USP35: variants seen among roughly 807,000 people sequenced by gnomAD.
USP35 encodes the protein ubiquitin carboxyl-terminal hydrolase 35.
Under a neutral mutation model 83.8 loss-of-function variants are expected in USP35, and 69 were observed. The ratio of observed to expected loss-of-function variants is 0.82; its 90% CI spans 0.68 to 1.01. The LOEUF (loss-of-function observed/expected upper bound fraction) is 1.01. USP35 is among the 50% of genes least tolerant of loss of function. The probability of loss-of-function intolerance (pLI) is 0.00; values close to 1 mark genes in which losing one functional copy is unlikely to be tolerated. For missense variants in USP35, 1,503 were observed against 1,362.5 expected, an observed-to-expected ratio of 1.10 and a Z score of -1.62; for synonymous variants, 714 against 589.5, an observed-to-expected ratio of 1.21 and a Z score of -3.06.
the USP35 span, chr11:78,223,428 G>T: frequency 2.6e-6 from 4 of 1,564,648 alleles, no homozygotes; most frequent in Non-Finnish European, 2.6e-6. Flanking sequence ...GATCAGGTTT[G>T]AGGTTGCGGT....
chr11:78,221,732 G>A, the USP35 span: 7 of 1,613,726 alleles, frequency 4.3e-6, no homozygotes, highest in Non-Finnish European at 5.9e-6. Flanking sequence ...GATGCTCTGG[G>A]TGGAGATGGG....
the USP35 span, among the ~76,000 whole-genome samples, chr11:78,234,769 T>A: frequency 0.16 from 24,134 of 151,822 alleles, 2,368 homozygotes; most frequent in East Asian, 0.39. Flanking sequence ...AATCAAGTAA[T>A]ATAAATCCTG....
chr11:78,198,107 C>G lies in USP35; in HGVS notation c.806+39C>G, dbSNP rs199859175. 1.9e-6 allele frequency: 3 copies of G among 1,611,836 alleles called. No individual in the cohort carries two copies. In the South Asian group the frequency reaches 3.3e-5, roughly 18 times the overall value. ...GCTGAGCCATGATCAGGGCTGGGGCCCCTCCCTCTCTTCCTCTCAGAAGCC... is the reference window on the plus strand; with the variant it reads ...GCTGAGCCATGATCAGGGCTGGGGCGCCTCCCTCTCTTCCTCTCAGAAGCC... On this transcript the variant is annotated intron_variant, in intron 3 of 10. Coordinates refer to ENST00000529308, the MANE Select transcript of USP35 (RefSeq NM_020798.4).
chr11:78,221,687 T>C, the USP35 span: 1 of 1,609,918 alleles, frequency 6.2e-7, no homozygotes, highest in Non-Finnish European at 8.5e-7. Context: ...CATAGGGACA[T>C]AGTTCTCTTC....
In USP35 at chr11:78,200,657, C is replaced by G; in HGVS notation, c.1046C>G (p.Pro349Arg). The change falls in exon 6 of 11, where the codon CCT (proline) becomes CGT (arginine). Residue 349 changes from proline to arginine, a missense_variant. Pro to Arg is a moderately radical substitution (Grantham distance 103). Coordinates refer to ENST00000529308, the MANE Select transcript of USP35 (RefSeq NM_020798.4). ...GCAGCTCTGCTCCCACAGCTCCTCC[C>G]TCACATCCCCCCCATGGTGGCCTCT... ...HSHEAFHLLL[P>R]HIPPMVASLV... The G allele has an allele frequency of 6.2e-7, 1 of 1,609,898 alleles. No homozygotes were observed. Among genetic ancestry groups the G allele is most frequent in the South Asian group, 1.1e-5 (1 of 90,702 alleles).
downstream of USP35, chr11:78,219,398 G>T (rs144443221): frequency 8.7e-6 from 14 of 1,613,822 alleles, no homozygotes; most frequent in African/African-American, 1.7e-4. Flanking sequence ...CATCAGAGGT[G>T]ACGGATGAAG....
At chr11:78,212,804 TGA>T (rs1863840602) in intron 10 of USP35, among the ~76,000 whole-genome samples, 1 of 152,158 alleles carries the variant, frequency 6.6e-6, no homozygotes, top group Admixed American at 6.5e-5. Flanking sequence ...GATGAGATAA[TGA>T]CATGATTCTG....
At chr11:78,224,201 G>A in the USP35 span, among the ~76,000 whole-genome samples, 1 of 152,204 alleles carries the variant, frequency 6.6e-6, no homozygotes, top group South Asian at 2.1e-4. Flanking sequence ...TAAATCTAGA[G>A]TATAAAATAT....
chr11:78,232,620 A>G, the USP35 span, among the ~76,000 whole-genome samples: 2 of 152,260 alleles, frequency 1.3e-5, no homozygotes, highest in Non-Finnish European at 2.9e-5. Context: ...AATACATATT[A>G]TCTAGTACTT....
chr11:78,213,978 G>A lies in USP35; in HGVS notation c.*165G>A, dbSNP rs576484974. ...GAGATTCTCTCAGATATGGAAGTAA[G>A]ACCTAAGTCCCTTTCATTGGGGATC... On this transcript the variant is annotated 3_prime_UTR_variant, in exon 11 of 11. Coordinates refer to ENST00000529308, the MANE Select transcript of USP35 (RefSeq NM_020798.4). The A allele has an allele frequency of 5.5e-6, 4 of 731,462 alleles. No individual in the cohort carries two copies. In the Admixed American group the frequency reaches 1.3e-4, roughly 23 times the overall value. The allele number at this position is 731,462 out of a possible 1,614,324, so 45.3% of individuals were successfully genotyped here.
intron 9 of USP35, 50 bp from the exon 10 acceptor site, chr11:78,209,398 C>A (rs746313057): frequency 6.7e-7 from 1 of 1,502,230 alleles, no homozygotes; most frequent in Non-Finnish European, 8.9e-7. Flanking sequence ...CTGAGTGCCC[C>A]GGAAGGGGAC....
In USP35 at chr11:78,209,762, G is replaced by A. The variant is rs75766028; in HGVS notation, c.1907G>A (p.Gly636Asp). 28,525 of 1,614,018 alleles carry A rather than the reference G, an allele frequency of 0.018. 299 individuals are homozygous for A. The highest frequency in any genetic ancestry group is 0.022 in the South Asian group (1,963 of 91,080). Residue 636 changes from glycine to aspartate, a missense_variant, in exon 10 of 11, where the codon GGC becomes GAC. By Grantham distance (94) the Gly-to-Asp change is moderately conservative (BLOSUM62 -1). Transcript: ENST00000529308. ...LPPPTSAQGP[G>D]RVGPRRQRKH... ...CCACCAACCAGTGCACAGGGGCCAG[G>A]CAGGGTGGGTCCTCGGAGGCAAAGG...
At chr11:78,234,984 C>T in the USP35 span, among the ~76,000 whole-genome samples, 2 of 151,794 alleles carry the variant, frequency 1.3e-5, no homozygotes, top group African/African-American at 4.8e-5. Flanking sequence ...CATTCCAGCC[C>T]GGGAGACAGA....
downstream of USP35, chr11:78,215,250 TCCA>T (rs989002422): frequency 6.6e-6 from 1 of 152,598 alleles, no homozygotes; most frequent in Admixed American, 6.5e-5. Flanking sequence ...GAGAACGGGT[TCCA>T]CCACCAAGCC....
downstream of USP35, chr11:78,219,036 A>G: frequency 2.0e-6 from 1 of 508,464 alleles, no homozygotes; most frequent in Non-Finnish European, 3.5e-6. Flanking sequence ...GGGTGGAGGC[A>G]TGGCCATTAC....
the USP35 span, among the ~76,000 whole-genome samples, chr11:78,226,199 G>A: frequency 1.1e-3 from 162 of 152,236 alleles, no homozygotes; most frequent in African/African-American, 3.8e-3. Flanking sequence ...TTATACTGTG[G>A]TTAATCAAGA....
intron 2 of USP35, 65 bp from the exon 3 acceptor site, chr11:78,197,871 A>G (rs1320055620): frequency 3.8e-6 from 6 of 1,572,396 alleles, no homozygotes; most frequent in South Asian, 2.3e-5. Context: ...CCTGCAGGGC[A>G]TGGTGTGCTG....
rs565437123 is a variant in USP35 at position 78,211,951 on chromosome 11, C to A, written c.2889+1207C>A. ...CATAAGCTCTTTAGTTTAAGTGGATCCCATTTGTCATTGTTTGCTTTTGTT... is the reference window on the plus strand; with the variant it reads ...CATAAGCTCTTTAGTTTAAGTGGATACCATTTGTCATTGTTTGCTTTTGTT... On this transcript the variant is annotated intron_variant, in intron 10 of 10. Coordinates refer to ENST00000529308, the MANE Select transcript of USP35 (RefSeq NM_020798.4). 6.5e-4 allele frequency among the ~76,000 whole-genome samples: 99 copies of A among 152,240 alleles called. 2 individuals are homozygous for A. In the Middle Eastern group the frequency reaches 0.014, roughly 21 times the overall value.
In USP35 at chr11:78,214,685, A is replaced by AATAAATAAAAGTAAGCCTAAGC. The variant is rs1864023143; in HGVS notation, c.*874_*895dup. On this transcript the variant is annotated 3_prime_UTR_variant, in exon 11 of 11. Coordinates refer to ENST00000529308, the MANE Select transcript of USP35 (RefSeq NM_020798.4). Reference sequence around the variant, plus strand: ...GACAAGACAGACACCCATGTTCATAAATAAATAAAAGTAAGCCTAAGCAAG... The same window carrying AATAAATAAAAGTAAGCCTAAGC: ...GACAAGACAGACACCCATGTTCATAAATAAATAAAAGTAAGCCTAAGCATAAATAAAAGTAAGCCTAAGCAAG... The AATAAATAAAAGTAAGCCTAAGC allele has an allele frequency of 6.6e-6, 1 of 152,166 alleles. No homozygotes were observed. Among genetic ancestry groups the AATAAATAAAAGTAAGCCTAAGC allele is most frequent in the East Asian group, 1.9e-4 (1 of 5,194 alleles). The allele number at this position is 152,166 out of a possible 1,614,324, so 9.4% of individuals were successfully genotyped here.
Sources: allele counts gnomAD v4.1 joint callset (sites outside exome capture counted in the v4.1 genomes callset), GRCh38; gene constraint gnomAD v4.1.1; transcripts MANE v1.5; gene names NCBI Gene and HGNC (gene_info 2026-07-23, HGNC 2026-07-21).